The following GBF1 variants were observed in gnomAD, a reference collection of about 807,000 sequenced individuals.
GBF1 encodes the protein Golgi-specific brefeldin A-resistance guanine nucleotide exchange factor 1.
GBF1 carries 114 observed loss-of-function variants against 210.5 expected under a neutral mutation model. The ratio of observed to expected loss-of-function variants is 0.54; its 90% CI spans 0.47 to 0.63. The LOEUF is 0.63. Among genes scored for constraint, GBF1 ranks in the 30% least tolerant of loss-of-function variants. The pLI, the probability that GBF1 is intolerant of heterozygous loss-of-function variation, is 0.00. For missense variants in GBF1, 1,851 were observed against 2,357.7 expected, an observed-to-expected ratio of 0.79 and a Z score of 4.45; for synonymous variants, 850 against 889.2, an observed-to-expected ratio of 0.96 and a Z score of 0.78.
At chr10:102,277,392 C>CTT (rs35430312) in intron 3 of GBF1, among the ~76,000 whole-genome samples, 10 of 137,006 alleles carry the variant, frequency 7.3e-5, no homozygotes, top group African/African-American at 1.1e-4. Flanking sequence ...TACATTGTGA[C>CTT]TTTTTTTTTT....
intron 3 of GBF1, among the ~76,000 whole-genome samples, chr10:102,333,180 G>A (rs1357552711): frequency 6.6e-6 from 1 of 152,214 alleles, no homozygotes; most frequent in East Asian, 1.9e-4. Context: ...GACAGAATCA[G>A]AATTGGGCCT....
chr10:102,310,841 T>G (rs1166484862), intron 3 of GBF1, among the ~76,000 whole-genome samples: 1 of 152,208 alleles, frequency 6.6e-6, no homozygotes, highest in Non-Finnish European at 1.5e-5. Flanking sequence ...CAAAGCAACA[T>G]TTATAGCTGA....
chr10:102,349,547 AAGAG>A (rs1351984364), intron 4 of GBF1, among the ~76,000 whole-genome samples: 3 of 152,162 alleles, frequency 2.0e-5, no homozygotes, highest in Non-Finnish European at 2.9e-5. Context: ...ATTCAAAAGA[AAGAG>A]AGAGAAAAAA....
chr10:102,321,759 G>A (rs147248120), intron 3 of GBF1, among the ~76,000 whole-genome samples: 2,945 of 151,868 alleles, frequency 0.019, 90 homozygotes, highest in African/African-American at 0.069. Flanking sequence ...ACGGGGTTTC[G>A]CCATGTTGCC....
rs185059412 is a variant in GBF1 at position 102,348,986 on chromosome 10, A to T, written c.296-2270A>T. On this transcript the variant is annotated intron_variant, in intron 4 of 39. Transcript: ENST00000369983. ...CAATATGGGGAAACCCCATGTCTAT[A>T]AAAAATACAAAAATTCTCCTGGCAT... 2.1e-4 allele frequency among the ~76,000 whole-genome samples: 32 copies of T among 151,772 alleles called. No homozygotes were observed. In the East Asian group the frequency reaches 3.7e-3, roughly 18 times the overall value.
rs528820485 is a variant in GBF1 at position 102,368,561 on chromosome 10, C to T, written c.2879+107C>T. The T allele has an allele frequency of 1.1e-4, 96 of 849,180 alleles. No individual in the cohort carries two copies. In the African/African-American group the frequency reaches 1.3e-3, roughly 11 times the overall value. The allele number at this position is 849,180 out of a possible 1,614,324, so 52.6% of individuals were successfully genotyped here. On this transcript the variant is annotated intron_variant, in intron 22 of 39. Transcript: ENST00000369983. ...ACTGTTACTTCATTAGAATGGGGTT[C>T]CCCCTGAGTTTTTGGAGGGAGGCTG... is the stretch of plus-strand genomic sequence containing the variant.
At chr10:102,370,304 G>A (rs2060133003) in intron 27 of GBF1, 59 bp downstream of exon 27, 5 of 1,469,144 alleles carry the variant, frequency 3.4e-6, no homozygotes, top group African/African-American at 1.4e-5. Flanking sequence ...GGGTGACAGG[G>A]ACAGTATTAT....
At chr10:102,321,881 C>T (rs1036126870) in intron 3 of GBF1, among the ~76,000 whole-genome samples, 5 of 151,948 alleles carry the variant, frequency 3.3e-5, no homozygotes, top group African/African-American at 7.2e-5. Context: ...GTTTTTGAGA[C>T]AGGGTCTTGC....
chr10:102,374,114 CTG>C (rs899685040), intron 29 of GBF1, among the ~76,000 whole-genome samples: 1 of 152,176 alleles, frequency 6.6e-6, no homozygotes, highest in African/African-American at 2.4e-5. Flanking sequence ...CTTTGGGAAA[CTG>C]AGGCTGGTGA....
intron 3 of GBF1, among the ~76,000 whole-genome samples, chr10:102,318,245 G>A (rs749619816): frequency 7.9e-5 from 12 of 151,446 alleles, no homozygotes; most frequent in Non-Finnish European, 1.0e-4. Context: ...TAGGCTAGAA[G>A]GCAGTGGTGT....
chr10:102,312,826 G>C (rs959142318), intron 3 of GBF1, among the ~76,000 whole-genome samples: 8 of 152,156 alleles, frequency 5.3e-5, no homozygotes, highest in Admixed American at 6.5e-5. Flanking sequence ...CTTAATTGTG[G>C]TCTGTTGCTT....
In GBF1 at chr10:102,255,139, C is replaced by T. The variant is rs183968833; in HGVS notation, c.-10-3790C>T. The stretch of plus-strand genomic sequence containing the variant: ...CACTGTAACCTCCACCTCCTGGGTT[C>T]AAGTGATTCTCCTGCCTCAGCCTCC... On this transcript the variant is annotated intron_variant, in intron 1 of 39. Coordinates refer to ENST00000369983, the MANE Select transcript of GBF1 (RefSeq NM_001377137.1). Among the ~76,000 whole-genome samples, 9 of 152,174 alleles carry T rather than the reference C, an allele frequency of 5.9e-5. No individual in the cohort carries two copies. The East Asian group carries it at 1.5e-3, about 26-fold the overall frequency.
chr10:102,257,212 A>T (rs2072529965), intron 1 of GBF1, among the ~76,000 whole-genome samples: 2 of 152,210 alleles, frequency 1.3e-5, no homozygotes, highest in African/African-American at 4.8e-5. Flanking sequence ...CTGTCAGTTA[A>T]TATGAGTTTT....
rs991862807 is a variant in GBF1 at position 102,363,570 on chromosome 10, G to A, written c.2018-140G>A. On this transcript the variant is annotated intron_variant, in intron 16 of 39. Coordinates refer to ENST00000369983, the MANE Select transcript of GBF1 (RefSeq NM_001377137.1). The surrounding 1 kb of genome is among the most constrained non-coding windows in gnomAD (Gnocchi z 4.2). The stretch of plus-strand genomic sequence containing the variant: ...GGACCCTCAGTTGATAGGACTTCCA[G>A]GGAAGTGGAAGACTGGTGAGGACAA... 3.2e-5 allele frequency: 26 copies of A among 812,906 alleles called. No homozygotes were observed. Among genetic ancestry groups the A allele is most frequent in the Non-Finnish European group, 5.4e-5 (26 of 485,738 alleles). The allele number at this position is 812,906 out of a possible 1,614,324, so 50.4% of individuals were successfully genotyped here.
At chr10:102,280,130 A>AAGAGAGAGAGAGAG (rs57985048) in intron 3 of GBF1, among the ~76,000 whole-genome samples, 3 of 150,120 alleles carry the variant, frequency 2.0e-5, no homozygotes, top group Middle Eastern at 3.4e-3. Flanking sequence ...CTTAAAAAAA[A>AAGAGAGAGAGAGAG]AGAGAGAGAG....
At chr10:102,297,042 CAA>C (rs1291353636) in intron 3 of GBF1, among the ~76,000 whole-genome samples, 8 of 94,680 alleles carry the variant, frequency 8.4e-5, no homozygotes, top group Non-Finnish European at 8.9e-5. Flanking sequence ...GAGACTGTCT[CAA>C]AAAAAAAAAA....
At chr10:102,324,514 G>A (rs1425566067) in intron 3 of GBF1, among the ~76,000 whole-genome samples, 1 of 152,226 alleles carries the variant, frequency 6.6e-6, no homozygotes, top group East Asian at 1.9e-4. Flanking sequence ...AGACTTTGGA[G>A]TTGGATAGAC....
chr10:102,253,463 A>G (rs1026500019), intron 1 of GBF1, among the ~76,000 whole-genome samples: 2 of 152,198 alleles, frequency 1.3e-5, no homozygotes, highest in Non-Finnish European at 2.9e-5. Flanking sequence ...ATTCAAATTC[A>G]TATTAATTTA....
At chr10:102,308,871 A>G (rs550301070) in intron 3 of GBF1, among the ~76,000 whole-genome samples, 1 of 151,926 alleles carries the variant, frequency 6.6e-6, no homozygotes, top group Non-Finnish European at 1.5e-5. Context: ...AACTTAAAGT[A>G]TAATAATAAT....
Sources: gnomAD v4.1 joint callset for allele counts (sites outside exome capture counted in the v4.1 genomes callset) on GRCh38, gnomAD v4.1.1 for gene constraint, Gnocchi (gnomAD v3.1) non-coding constraint, MANE v1.5 for transcripts, NCBI Gene and HGNC (gene_info 2026-07-23, HGNC 2026-07-21) for gene names.